The following FREM2 variants were observed in gnomAD, a reference collection of about 807,000 sequenced individuals.
FREM2 encodes the protein FRAS1-related extracellular matrix protein 2.
In FREM2, 119 loss-of-function variants were observed where a neutral mutation model predicts 219.9. That is an observed-to-expected ratio of 0.54 (90% CI 0.47 to 0.63). The LOEUF (loss-of-function observed/expected upper bound fraction) is 0.63, where lower values mean the gene tolerates loss of function less well. FREM2 is among the 30% of genes least tolerant of loss of function. The pLI, the probability that FREM2 is intolerant of heterozygous loss-of-function variation, is 0.00. For synonymous variants in FREM2, 1,562 were observed against 1,522.8 expected, an observed-to-expected ratio of 1.03 and a Z score of -0.60; for missense variants, 4,030 against 3,993.6, an observed-to-expected ratio of 1.01 and a Z score of -0.25.
At chr13:38,866,685 A>G (rs1249691466) in intron 16 of FREM2, among the ~76,000 whole-genome samples, 1 of 150,034 alleles carries the variant, frequency 6.7e-6, no homozygotes, top group Non-Finnish European at 1.5e-5. Context: ...AAAAAAAAAA[A>G]TCACTTCATG....
intron 2 of FREM2, among the ~76,000 whole-genome samples, chr13:38,760,343 G>A (rs1043962733): frequency 2.0e-5 from 3 of 152,144 alleles, no homozygotes; most frequent in Non-Finnish European, 4.4e-5. Flanking sequence ...TGTGTCATTC[G>A]AAACCTCTGA....
At chr13:38,752,417 ATAAAT>A (rs975710548) in intron 2 of FREM2, among the ~76,000 whole-genome samples, 36 of 152,324 alleles carry the variant, frequency 2.4e-4, no homozygotes, top group Middle Eastern at 3.4e-3. Flanking sequence ...AACAATAATA[ATAAAT>A]TAAACTAAAA....
rs757232870 is a variant in FREM2, at chr13:38,784,674, G to C, written c.5885G>C (p.Arg1962Pro). The C allele has an allele frequency of 3.1e-6, 5 of 1,614,084 alleles. No homozygotes were observed. Among genetic ancestry groups the C allele is most frequent in the Non-Finnish European group, 3.4e-6 (4 of 1,180,004 alleles). Residue 1962 changes from arginine to proline, a missense_variant, in exon 6 of 24, where the codon CGG becomes CCG. Physicochemically the swap from Arg to Pro is moderately radical, Grantham distance 103. Transcript: ENST00000280481. ...FDKDEREKLC[R>P]IVIIDDSLYE... ...AAAGATGAACGGGAGAAACTGTGTC[G>C]GATAGTCATAATTGATGACTCTTTG...
At chr13:38,818,066 A>G (rs1875838651) in intron 6 of FREM2, among the ~76,000 whole-genome samples, 1 of 152,164 alleles carries the variant, frequency 6.6e-6, no homozygotes, top group East Asian at 1.9e-4. Flanking sequence ...AAAAGGGAAC[A>G]CTGACGTACT....
At chr13:38,847,328 T>G (rs1427880401) in intron 7 of FREM2, among the ~76,000 whole-genome samples, 4 of 152,150 alleles carry the variant, frequency 2.6e-5, no homozygotes, top group East Asian at 1.9e-4. Flanking sequence ...CAATACAAAC[T>G]TTCTCATGTA....
At chr13:38,719,148 C>A (rs956833677) in intron 2 of FREM2, among the ~76,000 whole-genome samples, 2 of 152,200 alleles carry the variant, frequency 1.3e-5, no homozygotes, top group African/African-American at 4.8e-5. Context: ...TTGGCTTTCC[C>A]AGCTCTTAGA....
rs1316240590 is a variant in FREM2, at chr13:38,861,526, C to T, written c.7615C>T (p.Leu2539Phe). 7 of 1,612,952 alleles carry T rather than the reference C, an allele frequency of 4.3e-6. No homozygotes were observed. In the South Asian group the frequency reaches 5.5e-5, roughly 13 times the overall value. ...CCCTGAGGATGCAGACTACACAAAC[C>T]TTATCAAGCTCACTGTCACAATGCC... ...TGPEDADYTN[L>F]IKLTVTMPHI... Residue 2539 changes from leucine to phenylalanine, a missense_variant, in exon 15 of 24, where the codon CTT becomes TTT. Physicochemically the swap from Leu to Phe is conservative, Grantham distance 22. This residue lies in a region of FREM2 where 928 missense variants were observed against 1,042.9 expected (regional missense o/e 0.89). Transcript: ENST00000280481.
chr13:38,770,427 A>G (rs1209068113), intron 4 of FREM2, among the ~76,000 whole-genome samples: 1 of 151,948 alleles, frequency 6.6e-6, no homozygotes, highest in Non-Finnish European at 1.5e-5. Flanking sequence ...CTGTTATTAT[A>G]ATTCTATCAT....
intron 2 of FREM2, among the ~76,000 whole-genome samples, chr13:38,757,601 C>G (rs1873064811): frequency 6.6e-6 from 1 of 150,658 alleles, no homozygotes; most frequent in African/African-American, 2.4e-5. Context: ...CTTTTTTTTT[C>G]TCTTTTTTTT....
At chr13:38,866,850 C>A (rs768580156) in intron 16 of FREM2, among the ~76,000 whole-genome samples, 8 of 152,142 alleles carry the variant, frequency 5.3e-5, no homozygotes, top group African/African-American at 1.7e-4. Flanking sequence ...CCTGCACTTG[C>A]CTGCCTAAGC....
At chr13:38,844,562 T>A (rs1170768437) in intron 6 of FREM2, among the ~76,000 whole-genome samples, 1 of 152,234 alleles carries the variant, frequency 6.6e-6, no homozygotes, top group Non-Finnish European at 1.5e-5. Flanking sequence ...ATTTGGTGTT[T>A]AGCAGTTGTA....
Position 38,764,442 on chromosome 13 carries a change from C to G in FREM2, c.5402C>G (p.Ser1801Cys), listed in dbSNP as rs748846494. Residue 1801 changes from serine to cysteine, a missense_variant, in exon 3 of 24, where the codon TCT (serine) becomes TGT (cysteine). Physicochemically the swap from Ser to Cys is moderately radical, Grantham distance 112. Around this residue, in one of 2 missense-constraint regions of FREM2, gnomAD observed 3,102 missense variants for 2,950.7 expected, o/e 1.05. Transcript: ENST00000280481. ...CGTAGAGGTTACTTGGGAGAAACTT[C>G]TTTTATAAGTAAGTTTAATTTTTTA... The part of the protein sequence containing the change: ...LKRRGYLGET[S>C]FISIGTRDRT... The G allele has an allele frequency of 6.5e-6, 10 of 1,542,658 alleles. No homozygotes were observed. Among genetic ancestry groups the G allele is most frequent in the Middle Eastern group, 1.7e-4 (1 of 5,792 alleles).
Position 38,689,224 on chromosome 13 carries a change from G to A in FREM2, c.1880G>A (p.Gly627Asp), listed in dbSNP as rs1219801177. Residue 627 changes from glycine (G) to aspartate (D), a missense_variant, in exon 1 of 24, where the codon GGC becomes GAC. By Grantham distance (94) the Gly-to-Asp change is moderately conservative (BLOSUM62 -1). Transcript: ENST00000280481. ...CATGAGAAGCAGGAACTTCTCAGAG[G>A]CCTTTGGAGGAAGGAGGGGGCATTT... ...PPHEKQELLR[G>D]LWRKEGAFYE... The A allele has an allele frequency of 7.4e-6, 12 of 1,613,978 alleles. No homozygotes were observed. The highest frequency in any genetic ancestry group is 1.1e-5 in the South Asian group (1 of 91,094).
At chr13:38,764,753 G>A (rs376368152) in intron 3 of FREM2, among the ~76,000 whole-genome samples, 6 of 152,284 alleles carry the variant, frequency 3.9e-5, no homozygotes, top group African/African-American at 1.4e-4. Flanking sequence ...TTACCCGTAA[G>A]ATAAAAGTTT....
At chr13:38,798,916 C>T (rs1233695240) in intron 6 of FREM2, among the ~76,000 whole-genome samples, 1 of 151,840 alleles carries the variant, frequency 6.6e-6, no homozygotes, top group Non-Finnish European at 1.5e-5. Context: ...TTCAGAGAAC[C>T]AACTTTTTCT....
chr13:38,780,995 C>T (rs1285982058), intron 4 of FREM2, among the ~76,000 whole-genome samples: 4 of 152,220 alleles, frequency 2.6e-5, no homozygotes, highest in African/African-American at 4.8e-5. Flanking sequence ...TCTGAATAAA[C>T]AGCACTTGCT....
At chr13:38,858,060 G>A (rs184401147) in intron 13 of FREM2, 27 bp downstream of exon 13, 1,604 of 1,582,594 alleles carry the variant, frequency 1.0e-3, no homozygotes, top group Non-Finnish European at 1.3e-3. Context: ...CAAAATTGAG[G>A]AAAATTGTAA....
chr13:38,688,981 A>G lies in FREM2; in HGVS notation c.1637A>G (p.Gln546Arg), dbSNP rs1869652894. 1 of 1,613,838 alleles carries G rather than the reference A, an allele frequency of 6.2e-7. No homozygotes were observed. The highest frequency in any genetic ancestry group is 1.7e-5 in the Admixed American group (1 of 59,992). The change falls in exon 1 of 24, where the codon CAG becomes CGG. Residue 546 changes from glutamine to arginine, a missense_variant. Gln to Arg is a conservative substitution (Grantham distance 43). Coordinates refer to ENST00000280481, the MANE Select transcript of FREM2 (RefSeq NM_207361.6). ...GATGGAGGAGGCAGGCACCAGGTAC[A>G]GTTTCTGTTCCCCATCACCTTAGTG... ...MVDGGGRHQV[Q>R]FLFPITLVPV...
chr13:38,850,990 C>G lies in FREM2; in HGVS notation c.6624C>G (p.Leu2208=). 1 of 1,613,494 alleles carries G rather than the reference C, an allele frequency of 6.2e-7. No individual in the cohort carries two copies. Among genetic ancestry groups the G allele is most frequent in the Non-Finnish European group, 8.5e-7 (1 of 1,179,942 alleles). Residue 2208 remains leucine (L), a synonymous_variant, in exon 10 of 24, where the codon CTC becomes CTG. Transcript: ENST00000280481. ...PCILELMDDV[L]YEEVEELRLV... Reference sequence around the variant, plus strand: ...TTCTTGAGCTGATGGACGATGTGCTCTATGAGGAGGTAGAGGAGCTCCGCC... The same window carrying G: ...TTCTTGAGCTGATGGACGATGTGCTGTATGAGGAGGTAGAGGAGCTCCGCC...
Sources: allele counts gnomAD v4.1 joint callset (sites outside exome capture counted in the v4.1 genomes callset), GRCh38; gene constraint gnomAD v4.1.1; regional missense constraint gnomAD v4.1.1; transcripts MANE v1.5; gene names NCBI Gene and HGNC (gene_info 2026-07-23, HGNC 2026-07-21).